Variants in SRL observed in about 807,000 individuals in gnomAD.
SRL encodes the protein sarcalumenin.
SRL carries 23 observed loss-of-function variants against 39.5 expected under a neutral mutation model. The observed-to-expected ratio is 0.58, with a 90% CI of 0.42 to 0.82. The LOEUF (loss-of-function observed/expected upper bound fraction) is 0.82, where lower values mean the gene tolerates loss of function less well. Ranked by LOEUF, SRL falls within the 40% of genes least tolerant of loss-of-function variation. The pLI is 0.00. For missense variants in SRL, 592 were observed against 607.8 expected (o/e 0.97, Z 0.27); for synonymous variants, 272 against 237.4 (o/e 1.15, Z -1.34).
At position 4,203,205 on chromosome 16, in the gene SRL, A is replaced by T. The variant is rs201677075; in HGVS notation, c.220T>A (p.Ser74Thr). ...TGCCGGAGCTCATTGTACTTGTAGG[A>T]CTGCTCCAGAGGCTTGATGGATGAG... is the stretch of plus-strand genomic sequence containing the variant. ...YHSSIKPLEQ[S>T]YKYNELRQHE... The change falls in exon 3 of 6, where the codon TCC becomes ACC. Residue 74 changes from serine (S) to threonine (T), a missense_variant. Physicochemically the swap from Ser to Thr is moderately conservative, Grantham distance 58 (BLOSUM62 1). Coordinates refer to ENST00000399609, the MANE Select transcript of SRL (RefSeq NM_001098814.2). 6.2e-6 allele frequency: 10 copies of T among 1,614,226 alleles called. No individual in the cohort carries two copies. The highest frequency in any genetic ancestry group is 2.2e-5 in the South Asian group (2 of 91,084).
In SRL at chr16:4,192,302, C is replaced by T; in HGVS notation, c.1273G>A (p.Gly425Ser). The change falls in exon 6 of 6, where the codon GGT (glycine) becomes AGT (serine). Residue 425 changes from glycine to serine, a missense_variant. By Grantham distance (56) the Gly-to-Ser change is moderately conservative. Transcript: ENST00000399609. The surrounding 1 kb of genome is among the most constrained non-coding windows in gnomAD (Gnocchi z 4.0). The part of the protein sequence containing the change: ...LLSQQCSYMG[G>S]CFLEKIERAI... ...CGCTCAATCTTCTCCAGAAAGCAAC[C>T]TCCCATGTAGGAGCACTGCTGGGAG... 1.2e-6 allele frequency: 2 copies of T among 1,614,192 alleles called. No homozygotes were observed. The highest frequency in any genetic ancestry group is 1.7e-6 in the Non-Finnish European group (2 of 1,180,038).
chr16:4,197,707 T>A lies in SRL; in HGVS notation c.376+92A>T, dbSNP rs914507067. The A allele has an allele frequency of 1.0e-4, 96 of 957,254 alleles. 1 individual carries two copies. Among genetic ancestry groups the A allele is most frequent in the African/African-American group, 1.6e-5 (1 of 62,696 alleles). The allele number at this position is 957,254 out of a possible 1,614,324, so 59.3% of individuals were successfully genotyped here. A position where few individuals can be genotyped will look rare whatever the true frequency, so the allele number is the denominator to read the frequency against. On this transcript the variant is annotated intron_variant, in intron 4 of 5. Coordinates refer to ENST00000399609, the MANE Select transcript of SRL (RefSeq NM_001098814.2). ...TCCCAATGTGCTGGGATTACAGGCA[T>A]GAGTCATAATGTCCGGCCAGTGATT...
At position 4,199,652 on chromosome 16, in the gene SRL, T is replaced by C. The variant is rs532566252; in HGVS notation, c.260-1737A>G. On this transcript the variant is annotated intron_variant, in intron 3 of 5. Coordinates refer to ENST00000399609, the MANE Select transcript of SRL (RefSeq NM_001098814.2). Reference sequence around the variant, plus strand: ...TCCCAAAGTGCTTCTATTGCAGGCATGAGCCCGGCACCCAGCCCCTCCCCA... The same window carrying C: ...TCCCAAAGTGCTTCTATTGCAGGCACGAGCCCGGCACCCAGCCCCTCCCCA... Among the ~76,000 whole-genome samples the C allele has an allele frequency of 4.0e-5, 6 of 151,012 alleles. 1 individual carries two copies. The East Asian group carries it at 7.8e-4, about 20-fold the overall frequency.
intron 4 of SRL, among the ~76,000 whole-genome samples, chr16:4,196,693 C>G (rs1000891201): frequency 6.6e-6 from 1 of 152,052 alleles, no homozygotes; most frequent in African/African-American, 2.4e-5. Context: ...CTTGGCCAGG[C>G]TGGTCTTGAA....
Position 4,191,928 on chromosome 16 carries a change from GGCCTCCTCATTGAA to G in SRL, c.*211_*224del, listed in dbSNP as rs1184684083. 2.5e-5 allele frequency: 12 copies of G among 486,444 alleles called. No homozygotes were observed. The highest frequency in any genetic ancestry group is 4.3e-5 in the Non-Finnish European group (12 of 280,680). 30.1% of individuals were successfully genotyped at this position (486,444 alleles called of 1,614,324 possible). On this transcript the variant is annotated 3_prime_UTR_variant, in exon 6 of 6. Transcript: ENST00000399609. ...GGTGGAGGCTGACTTGCCTCAATCA[GGCCTCCTCATTGAA>G]GCAACAAGACAAGCACACAGGAATT...
At chr16:4,214,692 C>G (rs140462047) in intron 1 of SRL, among the ~76,000 whole-genome samples, 2,214 of 152,258 alleles carry the variant, frequency 0.015, 28 homozygotes, top group Non-Finnish European at 0.024. Flanking sequence ...GGGCCAGCAG[C>G]CTCTTCTGGT....
At chr16:4,233,345 AC>A (rs1310052181) in intron 1 of SRL, among the ~76,000 whole-genome samples, 1 of 152,072 alleles carries the variant, frequency 6.6e-6, no homozygotes, top group East Asian at 1.9e-4. Flanking sequence ...CATTCATTAG[AC>A]CTTGTTGACT....
intron 1 of SRL, among the ~76,000 whole-genome samples, chr16:4,229,305 G>C (rs147098855): frequency 2.0e-5 from 3 of 152,136 alleles, no homozygotes; most frequent in South Asian, 2.1e-4. Flanking sequence ...TTAGCCAAGC[G>C]TGGTGGTGGG....
chr16:4,207,209 G>A (rs780740647), intron 1 of SRL: 68 of 456,998 alleles, frequency 1.5e-4, no homozygotes, highest in African/African-American at 3.8e-4. Context: ...CTTCTTCCTC[G>A]CTTCCACTTC....
At chr16:4,209,075 C>G (rs773542863) in intron 1 of SRL, among the ~76,000 whole-genome samples, 4 of 152,130 alleles carry the variant, frequency 2.6e-5, no homozygotes, top group Non-Finnish European at 4.4e-5. Context: ...GAGTTTGAGA[C>G]CAGCCTGGCC....
intron 1 of SRL, among the ~76,000 whole-genome samples, chr16:4,217,438 G>C (rs952184780): frequency 2.0e-5 from 3 of 152,226 alleles, no homozygotes; most frequent in African/African-American, 7.2e-5. Context: ...TTTTTGTAAA[G>C]ACAGGGTCTC....
At chr16:4,197,404 G>A (rs975711127) in intron 4 of SRL, among the ~76,000 whole-genome samples, 3 of 141,710 alleles carry the variant, frequency 2.1e-5, no homozygotes, top group African/African-American at 8.0e-5. Context: ...ACGTGCATGT[G>A]GCATAACTTT....
At chr16:4,229,561 T>C (rs913665102) in intron 1 of SRL, among the ~76,000 whole-genome samples, 9 of 151,990 alleles carry the variant, frequency 5.9e-5, no homozygotes, top group African/African-American at 1.4e-4. Flanking sequence ...TTCTCACTTA[T>C]AAGTGGGAGC....
rs71139621 is a variant in SRL, at chr16:4,197,421, C to CTTTTTTT, written c.376+371_376+377dup. Among the ~76,000 whole-genome samples, 70 of 107,570 alleles carry CTTTTTTT rather than the reference C, an allele frequency of 6.5e-4. 2 individuals carry two copies. The highest frequency in any genetic ancestry group is 2.2e-3 in the African/African-American group (59 of 26,600). The allele number at this position is 107,570 out of a possible 152,430, so 70.6% of individuals were successfully genotyped here. ...GTGCATGTGGCATAACTTTTCTTTCCTTTTTTTTTTTTTTTTTTGAGACGG... is the reference window on the plus strand; with the variant it reads ...GTGCATGTGGCATAACTTTTCTTTCCTTTTTTTTTTTTTTTTTTTTTTTTTGAGACGG... On this transcript the variant is annotated intron_variant, in intron 4 of 5. Coordinates refer to ENST00000399609, the MANE Select transcript of SRL (RefSeq NM_001098814.2).
At chr16:4,210,092 A>C (rs2052374199) in intron 1 of SRL, among the ~76,000 whole-genome samples, 1 of 152,252 alleles carries the variant, frequency 6.6e-6, no homozygotes. Context: ...ACCCACAGAA[A>C]GTGCTGGAAG....
At chr16:4,207,790 GGC>G (rs2052342661) in intron 1 of SRL, 2 of 455,452 alleles carry the variant, frequency 4.4e-6, no homozygotes, top group African/African-American at 4.0e-5. Flanking sequence ...GCCACTGGTG[GGC>G]CATTCTTTTC....
At position 4,192,074 on chromosome 16, in the gene SRL, G is replaced by A. The variant is rs2052072319; in HGVS notation, c.*79C>T. ...ATAATTCCTGCCAGTGTGGCTCAAA[G>A]GGTTAATAAACCAGGACCTCTCAGA... is the stretch of plus-strand genomic sequence containing the variant. On this transcript the variant is annotated 3_prime_UTR_variant, in exon 6 of 6. Coordinates refer to ENST00000399609, the MANE Select transcript of SRL (RefSeq NM_001098814.2). The surrounding 1 kb of genome is among the most constrained non-coding windows in gnomAD (Gnocchi z 4.0). 2.1e-6 allele frequency: 3 copies of A among 1,425,908 alleles called. No homozygotes were observed. The highest frequency in any genetic ancestry group is 2.3e-5 in the East Asian group (1 of 43,778). The allele number at this position is 1,425,908 out of a possible 1,614,324, so 88.3% of individuals were successfully genotyped here. A position where few individuals can be genotyped will look rare whatever the true frequency, so the allele number is the denominator to read the frequency against.
intron 1 of SRL, among the ~76,000 whole-genome samples, chr16:4,220,373 G>C (rs186526792): frequency 6.6e-6 from 1 of 151,394 alleles, no homozygotes; most frequent in Non-Finnish European, 1.5e-5. Flanking sequence ...GCTTGAACCC[G>C]GGAGGTGGAG....
intron 1 of SRL, among the ~76,000 whole-genome samples, chr16:4,211,162 TA>T (rs140526795): frequency 0.23 from 32,837 of 145,674 alleles, 3,609 homozygotes; most frequent in Admixed American, 0.27. Context: ...GCATCATGAT[TA>T]AAAAAAAAAA....
Sources: allele counts gnomAD v4.1 joint callset (sites outside exome capture counted in the v4.1 genomes callset), GRCh38; gene constraint gnomAD v4.1.1; non-coding constraint Gnocchi (gnomAD v3.1); transcripts MANE v1.5; gene names NCBI Gene and HGNC (gene_info 2026-07-23, HGNC 2026-07-21).